The following YARS1 variants were observed in gnomAD, a reference collection of about 807,000 sequenced individuals.
YARS1 encodes tyrosine--tRNA ligase, cytoplasmic.
A neutral mutation model predicts 62.2 loss-of-function variants in YARS1; 36 were observed. That is an observed-to-expected ratio of 0.58 (90% CI 0.44 to 0.76). YARS1 has a LOEUF of 0.76. YARS1 is among the 30% of genes least tolerant of loss of function. The pLI is 0.00. For synonymous variants in YARS1, 234 were observed against 244.9 expected (o/e 0.96, Z 0.42); for missense variants, 524 against 639.8 (o/e 0.82, Z 1.95).
rs539049306 is a variant in YARS1 at position 32,815,653 on chromosome 1, T to C, written c.57+1535A>G. On this transcript the variant is annotated intron_variant, in intron 1 of 12. Coordinates refer to ENST00000373477, the MANE Select transcript of YARS1 (RefSeq NM_003680.4). ...TGAACTTTGAAAACATTATGCTAAG[T>C]GCAAAAAGTCAGACACAACAAACAT... 3.9e-5 allele frequency among the ~76,000 whole-genome samples: 6 copies of C among 152,330 alleles called. No individual in the cohort carries two copies. In the South Asian group the frequency reaches 1.2e-3, roughly 32 times the overall value.
intron 12 of YARS1, 92 bp downstream of exon 12, chr1:32,779,290 A>G: frequency 6.2e-7 from 1 of 1,604,916 alleles, no homozygotes. Flanking sequence ...AAGTCCCAAC[A>G]GAGAGGGGCA....
intron 4 of YARS1, among the ~76,000 whole-genome samples, chr1:32,804,482 G>A (rs566742907): frequency 3.9e-5 from 6 of 152,006 alleles, no homozygotes; most frequent in South Asian, 2.1e-4. Context: ...CAGACGGGGC[G>A]GCTGCCAGGC....
At chr1:32,803,247 G>A (rs1240016367) in intron 4 of YARS1, among the ~76,000 whole-genome samples, 1 of 151,158 alleles carries the variant, frequency 6.6e-6, no homozygotes, top group Non-Finnish European at 1.5e-5. Flanking sequence ...CCAAAGTGCT[G>A]AGTTACAGGT....
chr1:32,814,313 C>T (rs1638647654), intron 1 of YARS1, among the ~76,000 whole-genome samples: 1 of 152,090 alleles, frequency 6.6e-6, no homozygotes, highest in Non-Finnish European at 1.5e-5. Context: ...AAATCCAGGC[C>T]CTATCAGATC....
chr1:32,816,112 A>AT (rs1638722479), intron 1 of YARS1, among the ~76,000 whole-genome samples: 1 of 150,568 alleles, frequency 6.6e-6, no homozygotes, highest in African/African-American at 2.5e-5. Context: ...CCGCCTCAAA[A>AT]AAAAAAAAAA....
chr1:32,789,734 G>A (rs1463210616), intron 6 of YARS1, among the ~76,000 whole-genome samples: 1 of 151,442 alleles, frequency 6.6e-6, no homozygotes, highest in Admixed American at 6.6e-5. Flanking sequence ...GATTACAGGT[G>A]CATGCCACCA....
intron 4 of YARS1, among the ~76,000 whole-genome samples, chr1:32,801,978 C>T (rs1470030937): frequency 2.4e-5 from 3 of 126,660 alleles, no homozygotes; most frequent in African/African-American, 5.9e-5. Flanking sequence ...GACGGAGTCT[C>T]GCTCTGTCGC....
intron 4 of YARS1, among the ~76,000 whole-genome samples, chr1:32,802,040 C>T (rs938552310): frequency 9.3e-5 from 14 of 150,044 alleles, no homozygotes; most frequent in Non-Finnish European, 1.9e-4. Context: ...CTCCGCCTCC[C>T]GGGTTCACGC....
chr1:32,780,315 G>C, intron 10 of YARS1, 37 bp from the exon 11 acceptor site: 1 of 1,610,206 alleles, frequency 6.2e-7, no homozygotes, highest in Non-Finnish European at 8.5e-7. Context: ...GAGGATCATC[G>C]TCCATTAGAG....
At chr1:32,805,731 G>A (rs1569768098) in intron 4 of YARS1, among the ~76,000 whole-genome samples, 2 of 152,286 alleles carry the variant, frequency 1.3e-5, no homozygotes, top group Admixed American at 1.3e-4. Flanking sequence ...GGAGGCCAAG[G>A]TGGGTGGATC....
intron 5 of YARS1, among the ~76,000 whole-genome samples, chr1:32,794,102 A>C (rs11806080): frequency 0.01 from 1,551 of 152,204 alleles, 25 homozygotes; most frequent in African/African-American, 0.035. Flanking sequence ...GTAATCCCAG[A>C]ACTTTGGGAG....
chr1:32,810,691 C>T lies in YARS1; in HGVS notation c.280G>A (p.Val94Ile), dbSNP rs957366220. 1.2e-6 allele frequency: 2 copies of T among 1,614,062 alleles called. No individual in the cohort carries two copies. The highest frequency in any genetic ancestry group is 2.7e-5 in the African/African-American group (2 of 74,928). The change falls in exon 3 of 13, where the codon GTC becomes ATC. Residue 94 changes from valine to isoleucine, a missense_variant. Transcript: ENST00000373477. ...KAPWELLELR[V>I]SYYENVIKAM... ...TTGATCACATTCTCATAGTAACTGACTCGGAGTTCTAGAAGTTCCCATGGG... is the reference window on the plus strand; with the variant it reads ...TTGATCACATTCTCATAGTAACTGATTCGGAGTTCTAGAAGTTCCCATGGG...
chr1:32,817,075 C>T (rs1384875335), intron 1 of YARS1, 113 bp downstream of exon 1: 1 of 1,359,356 alleles, frequency 7.4e-7, no homozygotes, highest in Non-Finnish European at 1.0e-6. Context: ...CTCAGAGCTG[C>T]GCCAGCGCCG....
intron 5 of YARS1, among the ~76,000 whole-genome samples, chr1:32,796,283 G>A (rs991490787): frequency 1.1e-4 from 17 of 152,182 alleles, no homozygotes; most frequent in African/African-American, 3.9e-4. Flanking sequence ...GCAACAGTGT[G>A]AGACTCTGTC....
rs185491870 is a variant in YARS1 at position 32,815,245 on chromosome 1, A to C, written c.57+1943T>G. On this transcript the variant is annotated intron_variant, in intron 1 of 12. Coordinates refer to ENST00000373477, the MANE Select transcript of YARS1 (RefSeq NM_003680.4). ...ACGTCTGTAATCCCAGCTACTCAGG[A>C]GGCTGAGGCAGGAGAATCACTTGAG... is the stretch of plus-strand genomic sequence containing the variant. Among the ~76,000 whole-genome samples, 633 of 152,218 alleles carry C rather than the reference A, an allele frequency of 4.2e-3. 2 individuals are homozygous for C. Among genetic ancestry groups the C allele is most frequent in the African/African-American group, 0.014 (589 of 41,522 alleles).
intron 8 of YARS1, among the ~76,000 whole-genome samples, chr1:32,785,456 G>C (rs1376236282): frequency 6.8e-6 from 1 of 148,064 alleles, no homozygotes; most frequent in Non-Finnish European, 1.5e-5. Context: ...GTGAGACTCT[G>C]TCTCAAAAAA....
intron 4 of YARS1, among the ~76,000 whole-genome samples, chr1:32,799,570 G>C (rs1206745396): frequency 6.6e-6 from 1 of 152,176 alleles, no homozygotes; most frequent in East Asian, 1.9e-4. Context: ...ATTGGCTGAA[G>C]GGAAGAGGAA....
At chr1:32,799,183 G>T (rs1653698345) in intron 4 of YARS1, among the ~76,000 whole-genome samples, 1 of 152,212 alleles carries the variant, frequency 6.6e-6, no homozygotes, top group African/African-American at 2.4e-5. Flanking sequence ...AGGCACAGAG[G>T]TGTGAAGTGT....
intron 6 of YARS1, among the ~76,000 whole-genome samples, chr1:32,789,741 A>G (rs1404176226): frequency 6.6e-6 from 1 of 151,690 alleles, no homozygotes; most frequent in Non-Finnish European, 1.5e-5. Flanking sequence ...GGTGCATGCC[A>G]CCACACCCAG....
Sources: gnomAD v4.1 joint callset for allele counts (sites outside exome capture counted in the v4.1 genomes callset) on GRCh38, gnomAD v4.1.1 for gene constraint, MANE v1.5 for transcripts, NCBI Gene and HGNC (gene_info 2026-07-23, HGNC 2026-07-21) for gene names.